The following CD47 variants were observed in gnomAD, a reference collection of about 807,000 sequenced individuals.
CD47 encodes the protein leukocyte surface antigen CD47.
In CD47, 11 loss-of-function variants were observed where a neutral mutation model predicts 44.6. The observed-to-expected ratio is 0.25, with a 90% CI of 0.16 to 0.41. CD47 has a LOEUF of 0.41. Ranked by LOEUF, CD47 falls within the 10% of genes least tolerant of loss-of-function variation. CD47 has a pLI of 1.00. For missense variants in CD47, 306 were observed against 386.7 expected (o/e 0.79, Z 1.75); for synonymous variants, 140 against 136.3 (o/e 1.03, Z -0.19).
intron 7 of CD47, chr3:108,052,441 G>C (rs935388581): frequency 1.9e-5 from 3 of 155,976 alleles, no homozygotes; most frequent in African/African-American, 7.2e-5. Context: ...GGTCTTTCCA[G>C]TTTCAAAGCT....
At chr3:108,067,821 C>T (rs2079130218) in intron 3 of CD47, among the ~76,000 whole-genome samples, 1 of 152,190 alleles carries the variant, frequency 6.6e-6, no homozygotes. Context: ...GTTTAAGAGT[C>T]TTCTCAGGCT....
intron 1 of CD47, among the ~76,000 whole-genome samples, chr3:108,081,033 C>T (rs965107338): frequency 6.6e-6 from 1 of 151,748 alleles, no homozygotes; most frequent in Non-Finnish European, 1.5e-5. Flanking sequence ...TTTTCCCACC[C>T]CCACATTTCA....
intron 1 of CD47, among the ~76,000 whole-genome samples, chr3:108,088,140 G>A (rs1577021238): frequency 6.6e-6 from 1 of 152,282 alleles, no homozygotes; most frequent in Non-Finnish European, 1.5e-5. Flanking sequence ...GAAAGTGATT[G>A]AAAATTATGC....
intron 2 of CD47, among the ~76,000 whole-genome samples, chr3:108,079,567 TAAAAAAAAAAAA>T (rs71629342): frequency 1.6e-3 from 86 of 53,112 alleles, no homozygotes; most frequent in Admixed American, 3.1e-3. Flanking sequence ...AGTGTAAGGT[TAAAAAAAAAAAA>T]AAAAAAAAAA....
chr3:108,084,869 C>T (rs544192774), intron 1 of CD47, among the ~76,000 whole-genome samples: 58 of 152,146 alleles, frequency 3.8e-4, no homozygotes, highest in African/African-American at 1.3e-3. Flanking sequence ...CCTCCCCCCT[C>T]GAACTACTGC....
At chr3:108,063,986 G>T (rs1405543568) in intron 3 of CD47, among the ~76,000 whole-genome samples, 2 of 152,128 alleles carry the variant, frequency 1.3e-5, no homozygotes, top group East Asian at 1.9e-4. Flanking sequence ...TCTTTTATAT[G>T]TTCTATAAAA....
At position 108,060,361 on chromosome 3, in the gene CD47, A is replaced by G. The variant is rs199888284; in HGVS notation, c.598+384T>C. ...TAATTCCAATGACAAATGTGCTCAT[A>G]AGAGAGAGGCTGAGGGAGATTTAAC... On this transcript the variant is annotated intron_variant, in intron 4 of 10. Transcript: ENST00000361309. Among the ~76,000 whole-genome samples the G allele has an allele frequency of 8.5e-5, 13 of 152,340 alleles. 1 individual carries two copies. In the East Asian group the frequency reaches 2.5e-3, roughly 29 times the overall value.
At chr3:108,051,824 C>A (rs201035231) in intron 8 of CD47, 115 bp downstream of exon 8, 5 of 813,034 alleles carry the variant, frequency 6.1e-6, no homozygotes, top group Admixed American at 5.3e-5. Flanking sequence ...ATGACTTCAA[C>A]ATTCTCTTAA....
At position 108,080,105 on chromosome 3, in the gene CD47, C is replaced by T; in HGVS notation, c.286G>A (p.Ala96Thr). 1.2e-6 allele frequency: 2 copies of T among 1,612,942 alleles called. No homozygotes were observed. The highest frequency in any genetic ancestry group is 1.7e-4 in the Middle Eastern group (1 of 6,054). ...IEVSQLLKGD[A>T]SLKMDKSDAV... Reference sequence around the variant, plus strand: ...TCACTCTTATCCATCTTCAAAGAGGCATCTCCTTTTAGTAATTGTGAGACT... The same window carrying T: ...TCACTCTTATCCATCTTCAAAGAGGTATCTCCTTTTAGTAATTGTGAGACT... The change falls in exon 2 of 11, where the codon GCC becomes ACC. Residue 96 changes from alanine (A) to threonine (T), a missense_variant. Physicochemically the swap from Ala to Thr is moderately conservative, Grantham distance 58. Coordinates refer to ENST00000361309, the MANE Select transcript of CD47 (RefSeq NM_001777.4).
At chr3:108,086,595 G>C (rs371348038) in intron 1 of CD47, among the ~76,000 whole-genome samples, 2 of 152,246 alleles carry the variant, frequency 1.3e-5, no homozygotes, top group East Asian at 3.9e-4. Flanking sequence ...AGAGAAACAA[G>C]ATGGCTTTAT....
chr3:108,086,246 T>A (rs1465673795), intron 1 of CD47, among the ~76,000 whole-genome samples: 1 of 151,854 alleles, frequency 6.6e-6, no homozygotes, highest in Non-Finnish European at 1.5e-5. Context: ...CACTCAGATT[T>A]AATTTCATTA....
rs1454109885 is a variant in CD47, at chr3:108,043,203, T to C, written c.*4085A>G. On this transcript the variant is annotated 3_prime_UTR_variant, in exon 11 of 11. Transcript: ENST00000361309. The stretch of plus-strand genomic sequence containing the variant: ...TTAAATCATTCTTTACATTGTTACC[T>C]AGAATATAAGCAACTTAAAAATACA... 4.6e-5 allele frequency: 7 copies of C among 152,638 alleles called. No homozygotes were observed. The highest frequency in any genetic ancestry group is 2.9e-5 in the Non-Finnish European group (2 of 68,038). The allele number at this position is 152,638 out of a possible 1,614,324, so 9.5% of individuals were successfully genotyped here. A position where few individuals can be genotyped will look rare whatever the true frequency, so the allele number is the denominator to read the frequency against.
chr3:108,071,609 G>A (rs1039535958), intron 2 of CD47, among the ~76,000 whole-genome samples: 21 of 152,118 alleles, frequency 1.4e-4, no homozygotes, highest in African/African-American at 4.8e-4. Context: ...GTATCTTGAA[G>A]GACTGTTGTA....
intron 1 of CD47, 131 bp from the exon 2 acceptor site, chr3:108,080,475 A>C (rs2079395776): frequency 1.8e-6 from 1 of 570,564 alleles, no homozygotes; most frequent in African/African-American, 1.9e-5. Flanking sequence ...ATAGCAATGA[A>C]GAAGACCTAT....
Position 108,080,208 on chromosome 3 carries a change from T to G in CD47, c.183A>C (p.Lys61Asn). The change falls in exon 2 of 11, where the codon AAA (lysine) becomes AAC (asparagine). Residue 61 changes from lysine (K) to asparagine (N), a missense_variant. Lys to Asn is a moderately conservative substitution (Grantham distance 94). This residue lies in a region of CD47 where 25 missense variants were observed against 52.7 expected (regional missense o/e 0.47). Coordinates refer to ENST00000361309, the MANE Select transcript of CD47 (RefSeq NM_001777.4). ...TTEVYVKWKF[K>N]GRDIYTFDGA... Reference sequence around the variant, plus strand: ...CATCAAAGGTGTAAATATCTCTTCCTTTAAATTTCCACTTTACGTATACTT... The same window carrying G: ...CATCAAAGGTGTAAATATCTCTTCCGTTAAATTTCCACTTTACGTATACTT... 1.2e-6 allele frequency: 2 copies of G among 1,612,916 alleles called. No homozygotes were observed. Among genetic ancestry groups the G allele is most frequent in the Non-Finnish European group, 1.7e-6 (2 of 1,179,060 alleles).
chr3:108,059,093 T>C (rs969742061), intron 5 of CD47, among the ~76,000 whole-genome samples: 3 of 152,198 alleles, frequency 2.0e-5, no homozygotes, highest in Non-Finnish European at 2.9e-5. Flanking sequence ...ACCAGTCTTC[T>C]TAATGCAGAA....
At chr3:108,090,034 G>C (rs1232710498) in intron 1 of CD47, among the ~76,000 whole-genome samples, 1 of 152,036 alleles carries the variant, frequency 6.6e-6, no homozygotes, top group African/African-American at 2.4e-5. Context: ...CTTTGGCGTC[G>C]AAAAACACCA....
rs931087654 is a variant in CD47 at position 108,044,533 on chromosome 3, T to C, written c.*2755A>G. 3.3e-5 allele frequency: 5 copies of C among 150,488 alleles called. No homozygotes were observed. The highest frequency in any genetic ancestry group is 1.2e-4 in the African/African-American group (5 of 40,822). The allele number at this position is 150,488 out of a possible 1,614,324, so 9.3% of individuals were successfully genotyped here. A position where few individuals can be genotyped will look rare whatever the true frequency, so the allele number is the denominator to read the frequency against. On this transcript the variant is annotated 3_prime_UTR_variant, in exon 11 of 11. Coordinates refer to ENST00000361309, the MANE Select transcript of CD47 (RefSeq NM_001777.4). Reference sequence around the variant, plus strand: ...TCTAAATACAGCCAACTCTCAATCATTTAACTTATGTACCTAGCTTCTGAT... The same window carrying C: ...TCTAAATACAGCCAACTCTCAATCACTTAACTTATGTACCTAGCTTCTGAT...
At position 108,049,789 on chromosome 3, in the gene CD47, T is replaced by A. The variant is rs941159295; in HGVS notation, c.935-138A>T. Reference sequence around the variant, plus strand: ...AATTAATTGTAAAGCTATCATTTCATTATGTAGCCTTTCTGTGGATCATAC... The same window carrying A: ...AATTAATTGTAAAGCTATCATTTCAATATGTAGCCTTTCTGTGGATCATAC... On this transcript the variant is annotated intron_variant, in intron 9 of 10. Coordinates refer to ENST00000361309, the MANE Select transcript of CD47 (RefSeq NM_001777.4). 3.4e-5 allele frequency: 23 copies of A among 671,444 alleles called. No individual in the cohort carries two copies. In the African/African-American group the frequency reaches 4.2e-4, roughly 12 times the overall value. The allele number at this position is 671,444 out of a possible 1,614,324, so 41.6% of individuals were successfully genotyped here. A position where few individuals can be genotyped will look rare whatever the true frequency, so the allele number is the denominator to read the frequency against.
Sources: gnomAD v4.1 joint callset for allele counts (sites outside exome capture counted in the v4.1 genomes callset) on GRCh38, gnomAD v4.1.1 for gene constraint, gnomAD v4.1.1 regional missense constraint, MANE v1.5 for transcripts, NCBI Gene and HGNC (gene_info 2026-07-23, HGNC 2026-07-21) for gene names.